The following SLC28A1 variants were observed in gnomAD, a reference collection of about 807,000 sequenced individuals.
SLC28A1 encodes solute carrier family 28 member 1.
Under a neutral mutation model 74.8 loss-of-function variants are expected in SLC28A1, and 64 were observed. That is an observed-to-expected ratio of 0.86 (90% CI 0.70 to 1.05). The LOEUF is 1.05. Among genes scored for constraint, SLC28A1 ranks in the 50% least tolerant of loss-of-function variants. SLC28A1 has a pLI of 0.00. For synonymous variants in SLC28A1, 359 were observed against 335.0 expected (o/e 1.07, Z -0.78); for missense variants, 828 against 822.8 (o/e 1.01, Z -0.08).
Position 84,944,992 on chromosome 15 carries a change from G to A in SLC28A1, c.1874+125G>A, listed in dbSNP as rs140132566. Reference sequence around the variant, plus strand: ...ATGTTACGGCTGCAGCTAATGGGGAGGTGAAGGCTCGAGGACCAATGGAGG... The same window carrying A: ...ATGTTACGGCTGCAGCTAATGGGGAAGTGAAGGCTCGAGGACCAATGGAGG... On this transcript the variant is annotated intron_variant, in intron 18 of 18. Transcript: ENST00000394573. The A allele has an allele frequency of 4.9e-4, 525 of 1,074,272 alleles. 2 individuals carry two copies. In the African/African-American group the frequency reaches 7.6e-3, roughly 16 times the overall value. The allele number at this position is 1,074,272 out of a possible 1,614,324, so 66.5% of individuals were successfully genotyped here. A position where few individuals can be genotyped will look rare whatever the true frequency, so the allele number is the denominator to read the frequency against.
Position 84,890,537 on chromosome 15 carries a change from G to A in SLC28A1, c.277+3G>A, listed in dbSNP as rs373499692. ...CGGCACAGGCCTGCTCTGCACTGGT[G>A]AGCCTGGGGCCCAGCACTACCCAGG... is the stretch of plus-strand genomic sequence containing the variant. On this transcript the variant is annotated splice_donor_region_variant and intron_variant, in intron 5 of 18. Transcript: ENST00000394573. The A allele has an allele frequency of 6.2e-7, 1 of 1,608,152 alleles. No homozygotes were observed. The highest frequency in any genetic ancestry group is 8.5e-7 in the Non-Finnish European group (1 of 1,177,642).
intron 11 of SLC28A1, among the ~76,000 whole-genome samples, chr15:84,921,385 C>T (rs1969813924): frequency 6.6e-6 from 1 of 152,198 alleles, no homozygotes. Context: ...GGATGGGAAT[C>T]CCTTGACCAA....
At chr15:84,935,004 T>TC in intron 13 of SLC28A1, 22 bp from the exon 14 acceptor site, 1 of 1,611,246 alleles carries the variant, frequency 6.2e-7, no homozygotes, top group Non-Finnish European at 8.5e-7. Flanking sequence ...CCAGTAATGA[T>TC]CATTCTTGAT....
chr15:84,923,565 C>T (rs912308086), intron 11 of SLC28A1, among the ~76,000 whole-genome samples: 2 of 152,140 alleles, frequency 1.3e-5, no homozygotes, highest in South Asian at 2.1e-4. Flanking sequence ...TTTTGGCCAC[C>T]GCTGTGGCTG....
the SLC28A1 span, among the ~76,000 whole-genome samples, chr15:84,958,497 AG>A: frequency 1.3e-5 from 2 of 151,590 alleles, no homozygotes; most frequent in South Asian, 4.1e-4. Flanking sequence ...CTTGGTTAAT[AG>A]CTTAGTAGGG....
chr15:84,948,057 C>G (rs541290632), downstream of SLC28A1, among the ~76,000 whole-genome samples: 3 of 152,284 alleles, frequency 2.0e-5, no homozygotes, highest in South Asian at 6.2e-4. Context: ...ATGGGTAACT[C>G]TGTCCTAGAC....
At chr15:84,926,178 T>C (rs1970490257) in intron 12 of SLC28A1, among the ~76,000 whole-genome samples, 1 of 151,388 alleles carries the variant, frequency 6.6e-6, no homozygotes, top group Admixed American at 6.6e-5. Context: ...TTTTGTTTTT[T>C]AACTCCCCAC....
At chr15:84,915,318 G>A (rs1420251057) in intron 9 of SLC28A1, among the ~76,000 whole-genome samples, 1 of 152,174 alleles carries the variant, frequency 6.6e-6, no homozygotes, top group Non-Finnish European at 1.5e-5. Flanking sequence ...ACAGGAGAAA[G>A]AAAAGGCCTC....
intron 3 of SLC28A1, 71 bp from the exon 4 acceptor site, chr15:84,888,701 C>T (rs930255137): frequency 1.3e-5 from 15 of 1,118,306 alleles, no homozygotes; most frequent in East Asian, 2.6e-5. Flanking sequence ...CCGTGGCCCC[C>T]GACCCCCAGC....
intron 8 of SLC28A1, among the ~76,000 whole-genome samples, chr15:84,907,419 A>G (rs1967404597): frequency 6.6e-6 from 1 of 152,238 alleles, no homozygotes; most frequent in African/African-American, 2.4e-5. Flanking sequence ...TCCTGGGCTC[A>G]AGTAATCTGC....
chr15:84,895,229 A>T (rs1266675349), intron 6 of SLC28A1, 106 bp downstream of exon 6: 2 of 1,578,080 alleles, frequency 1.3e-6, no homozygotes, highest in Admixed American at 1.7e-5. Flanking sequence ...GCTCTGTGTC[A>T]TGGAGAACTC....
chr15:84,898,362 A>G (rs982519733), intron 6 of SLC28A1, among the ~76,000 whole-genome samples: 3 of 152,100 alleles, frequency 2.0e-5, no homozygotes, highest in African/African-American at 7.2e-5. Context: ...GTAGATCACG[A>G]GGTCAGGAGA....
At chr15:84,948,880 G>T (rs750228273), downstream of SLC28A1, among the ~76,000 whole-genome samples, 4 of 151,956 alleles carry the variant, frequency 2.6e-5, no homozygotes, top group African/African-American at 9.7e-5. Flanking sequence ...GTTCTTTTTT[G>T]ATTTTGCATC....
intron 9 of SLC28A1, among the ~76,000 whole-genome samples, chr15:84,912,331 C>T (rs1968375915): frequency 6.6e-6 from 1 of 152,194 alleles, no homozygotes; most frequent in Admixed American, 6.5e-5. Flanking sequence ...TGGCCAGTTT[C>T]AGTCTGGGGA....
At chr15:84,955,596 G>A in the SLC28A1 span, among the ~76,000 whole-genome samples, 7 of 152,286 alleles carry the variant, frequency 4.6e-5, no homozygotes, top group South Asian at 1.5e-3. Flanking sequence ...TTGGTTCAGC[G>A]GGACTGTGGC....
downstream of SLC28A1, among the ~76,000 whole-genome samples, chr15:84,946,112 A>ATATTTTTTTTTTTTTTTTTTTT (rs57190791): frequency 7.4e-5 from 1 of 13,476 alleles, no homozygotes. Context: ...ATATATATAT[A>ATATTTTTTTTTTTTTTTTTTTT]TTTTTTTTTT....
At chr15:84,920,968 G>A in intron 10 of SLC28A1, 21 bp from the exon 11 acceptor site, 1 of 1,606,086 alleles carries the variant, frequency 6.2e-7, no homozygotes, top group Non-Finnish European at 8.5e-7. Flanking sequence ...AGCCCACAAA[G>A]AACATTCTGC....
chr15:84,935,271 G>T, intron 14 of SLC28A1, 50 bp from the exon 15 acceptor site: 1 of 1,612,232 alleles, frequency 6.2e-7, no homozygotes, highest in Non-Finnish European at 8.5e-7. Context: ...TGGAGACCTA[G>T]CAGAGCCCAG....
chr15:84,936,190 A>G (rs1183845169), intron 15 of SLC28A1, among the ~76,000 whole-genome samples: 3 of 150,524 alleles, frequency 2.0e-5, no homozygotes. Context: ...TGATCTGCCC[A>G]CCTCGGCCTC....
Sources: gnomAD v4.1 joint callset for allele counts (sites outside exome capture counted in the v4.1 genomes callset) on GRCh38, gnomAD v4.1.1 for gene constraint, MANE v1.5 for transcripts, NCBI Gene and HGNC (gene_info 2026-07-23, HGNC 2026-07-21) for gene names.